Variants in ZBTB20 observed in about 807,000 individuals in gnomAD.
ZBTB20 encodes the protein zinc finger and BTB domain containing 20, also known as zinc finger and BTB domain-containing protein 20.
A neutral mutation model predicts 56.9 loss-of-function variants in ZBTB20; 9 were observed. That is an observed-to-expected ratio of 0.16 (90% CI 0.10 to 0.28). The LOEUF (loss-of-function observed/expected upper bound fraction) is 0.28. Among genes scored for constraint, ZBTB20 ranks in the 10% least tolerant of loss-of-function variants. The pLI, the probability that ZBTB20 is intolerant of heterozygous loss-of-function variation, is 1.00. For missense variants in ZBTB20, 655 were observed against 1,003.0 expected (o/e 0.65, Z 4.69); for synonymous variants, 417 against 420.7 (o/e 0.99, Z 0.11).
At chr3:114,476,033 A>T (rs1321441680) in intron 7 of ZBTB20, among the ~76,000 whole-genome samples, 1 of 152,150 alleles carries the variant, frequency 6.6e-6, no homozygotes, top group Non-Finnish European at 1.5e-5. Context: ...CAATTTAGAA[A>T]ATATAGGAGA....
At chr3:114,829,674 G>T (rs1397460198) in intron 4 of ZBTB20, among the ~76,000 whole-genome samples, 1 of 151,834 alleles carries the variant, frequency 6.6e-6, no homozygotes, top group Non-Finnish European at 1.5e-5. Flanking sequence ...AGTTACACGG[G>T]AGATGCAAGT....
At chr3:114,938,821 A>G (rs1479111815) in intron 3 of ZBTB20, among the ~76,000 whole-genome samples, 1 of 145,348 alleles carries the variant, frequency 6.9e-6, no homozygotes, top group Non-Finnish European at 1.5e-5. Context: ...TAAAAGTATA[A>G]TAAAAAAAAA....
intron 1 of ZBTB20, among the ~76,000 whole-genome samples, chr3:115,114,172 A>G (rs1427600138): frequency 6.6e-6 from 1 of 152,138 alleles, no homozygotes; most frequent in Non-Finnish European, 1.5e-5. Flanking sequence ...GCTCTTACTG[A>G]AAAACATTAA....
At chr3:114,466,830 C>T (rs759626127) in intron 7 of ZBTB20, among the ~76,000 whole-genome samples, 7 of 152,148 alleles carry the variant, frequency 4.6e-5, no homozygotes, top group African/African-American at 9.7e-5. Flanking sequence ...ATATTTAGAA[C>T]ATGGGAGAAA....
In ZBTB20 at chr3:114,337,555, T is replaced by TG. The variant is rs1485201449; in HGVS notation, c.*1449dup. 6.6e-6 allele frequency: 1 copy of TG among 152,152 alleles called. No individual in the cohort carries two copies. The allele number at this position is 152,152 out of a possible 1,614,324, so 9.4% of individuals were successfully genotyped here. ...TGAATCAGTTGAAAAAATTATTCAG[T>TG]GGGGCAACTTAAGCTTGCTAAAGTC... On this transcript the variant is annotated 3_prime_UTR_variant, in exon 12 of 12. Transcript: ENST00000675478.
intron 5 of ZBTB20, among the ~76,000 whole-genome samples, chr3:114,758,398 C>T (rs1416735586): frequency 2.0e-5 from 3 of 152,096 alleles, no homozygotes; most frequent in African/African-American, 4.8e-5. Context: ...TTATTATAGA[C>T]GTCTGAAGTT....
chr3:115,127,695 AGAGACTT>A (rs1247569769), intron 1 of ZBTB20, among the ~76,000 whole-genome samples: 1 of 152,224 alleles, frequency 6.6e-6, no homozygotes, highest in Non-Finnish European at 1.5e-5. Context: ...CAAGAAATTC[AGAGACTT>A]GAAGGAGAAA....
intron 5 of ZBTB20, among the ~76,000 whole-genome samples, chr3:114,784,712 C>A (rs1459931604): frequency 3.3e-5 from 5 of 152,104 alleles, no homozygotes; most frequent in Admixed American, 3.3e-4. Flanking sequence ...ATAAACCATA[C>A]TACAAAAATA....
At chr3:114,538,619 C>T (rs1233619621) in intron 6 of ZBTB20, among the ~76,000 whole-genome samples, 1 of 152,024 alleles carries the variant, frequency 6.6e-6, no homozygotes, top group Non-Finnish European at 1.5e-5. Context: ...GATAGGTAAC[C>T]AACCACGCAG....
intron 5 of ZBTB20, among the ~76,000 whole-genome samples, chr3:114,731,144 T>C (rs1005434334): frequency 4.6e-5 from 7 of 152,192 alleles, no homozygotes; most frequent in African/African-American, 1.4e-4. Flanking sequence ...ATGACTGTCA[T>C]TCATATACTT....
intron 1 of ZBTB20, among the ~76,000 whole-genome samples, chr3:115,118,050 CAT>C (rs1261978977): frequency 6.6e-6 from 1 of 152,138 alleles, no homozygotes; most frequent in Non-Finnish European, 1.5e-5. Flanking sequence ...TCAGTTTCCT[CAT>C]AGCAAAGAGA....
intron 5 of ZBTB20, among the ~76,000 whole-genome samples, chr3:114,707,601 A>T (rs16823111): frequency 0.069 from 10,527 of 152,274 alleles, 381 homozygotes; most frequent in Middle Eastern, 0.12. Context: ...AAGCTACCAC[A>T]TGAAGGACCC....
At chr3:114,738,400 T>C (rs752380470) in intron 5 of ZBTB20, among the ~76,000 whole-genome samples, 1 of 152,152 alleles carries the variant, frequency 6.6e-6, no homozygotes, top group African/African-American at 2.4e-5. Context: ...GGTGGGCATG[T>C]GCCAAATTGG....
At chr3:114,840,578 C>T (rs542418231) in intron 4 of ZBTB20, among the ~76,000 whole-genome samples, 48 of 152,238 alleles carry the variant, frequency 3.2e-4, no homozygotes, top group African/African-American at 9.6e-4. Flanking sequence ...AAAATGTTTG[C>T]GTCTAGCTTG....
At chr3:114,636,646 T>C (rs1309004309) in intron 6 of ZBTB20, among the ~76,000 whole-genome samples, 1 of 151,456 alleles carries the variant, frequency 6.6e-6, no homozygotes, top group Non-Finnish European at 1.5e-5. Context: ...TCATGGTAAA[T>C]ACAAGAAAAA....
chr3:114,595,902 ATATGC>A (rs2056274818), intron 6 of ZBTB20, among the ~76,000 whole-genome samples: 1 of 152,246 alleles, frequency 6.6e-6, no homozygotes, highest in African/African-American at 2.4e-5. Flanking sequence ...TGAAAGTCCA[ATATGC>A]TATCATCTAG....
At chr3:115,129,808 CAGAAAAATAAACG>C (rs1256493698) in intron 1 of ZBTB20, among the ~76,000 whole-genome samples, 1 of 152,120 alleles carries the variant, frequency 6.6e-6, no homozygotes, top group African/African-American at 2.4e-5. Flanking sequence ...CCTCAATGAC[CAGAAAAATAAACG>C]AAGAAATTTT....
intron 1 of ZBTB20, among the ~76,000 whole-genome samples, chr3:115,077,353 A>G (rs1485792287): frequency 1.3e-5 from 2 of 152,184 alleles, no homozygotes; most frequent in Non-Finnish European, 2.9e-5. Flanking sequence ...AAGGCAGATC[A>G]CTCATGAATG....
At chr3:114,748,747 C>T (rs2067315296) in intron 5 of ZBTB20, among the ~76,000 whole-genome samples, 2 of 152,074 alleles carry the variant, frequency 1.3e-5, no homozygotes, top group African/African-American at 4.8e-5. Context: ...TTAGATATCC[C>T]TATTCTGATG....
Sources: allele counts gnomAD v4.1 joint callset (sites outside exome capture counted in the v4.1 genomes callset), GRCh38; gene constraint gnomAD v4.1.1; transcripts MANE v1.5; gene names NCBI Gene and HGNC (gene_info 2026-07-23, HGNC 2026-07-21).